TENM4: variants seen among roughly 807,000 people sequenced by gnomAD.
The protein encoded by TENM4 is teneurin-4.
A neutral mutation model predicts 243.3 loss-of-function variants in TENM4; 82 were observed. The observed-to-expected ratio is 0.34, with a 90% CI of 0.28 to 0.40. The LOEUF is 0.40. Ranked by LOEUF, TENM4 falls within the 10% of genes least tolerant of loss-of-function variation. The probability of loss-of-function intolerance (pLI) is 1.00; values close to 1 mark genes in which losing one functional copy is unlikely to be tolerated. For missense variants in TENM4, 3,138 were observed against 3,673.3 expected, an observed-to-expected ratio of 0.85 and a Z score of 3.77; for synonymous variants, 1,412 against 1,456.3, an observed-to-expected ratio of 0.97 and a Z score of 0.69.
chr11:79,032,836 G>A (rs1306356934), intron 6 of TENM4, among the ~76,000 whole-genome samples: 2 of 152,180 alleles, frequency 1.3e-5, no homozygotes, highest in Non-Finnish European at 2.9e-5. Context: ...ACCACAAATA[G>A]GGACTGATAT....
chr11:78,745,868 T>C (rs1370155819), intron 19 of TENM4, among the ~76,000 whole-genome samples: 1 of 152,238 alleles, frequency 6.6e-6, no homozygotes, highest in African/African-American at 2.4e-5. Context: ...CTTCAATCTT[T>C]ATAACTTATT....
intron 12 of TENM4, among the ~76,000 whole-genome samples, chr11:78,826,076 CTTTT>C (rs59565048): frequency 1.2e-3 from 136 of 115,384 alleles, no homozygotes; most frequent in African/African-American, 4.6e-3. Flanking sequence ...AATCCCCCTC[CTTTT>C]TTTTTTTTTT....
At chr11:78,781,042 A>G (rs1300442023) in intron 16 of TENM4, among the ~76,000 whole-genome samples, 1 of 152,188 alleles carries the variant, frequency 6.6e-6, no homozygotes, top group Non-Finnish European at 1.5e-5. Context: ...AATGGAATGG[A>G]GCTTCCTTGT....
chr11:79,334,009 C>G (rs1807405850), intron 1 of TENM4, among the ~76,000 whole-genome samples: 1 of 152,198 alleles, frequency 6.6e-6, no homozygotes, highest in South Asian at 2.1e-4. Flanking sequence ...ACAACACATT[C>G]TGCCTTTTCT....
chr11:79,286,341 T>A (rs1856250117), intron 2 of TENM4, among the ~76,000 whole-genome samples: 1 of 152,060 alleles, frequency 6.6e-6, no homozygotes. Flanking sequence ...ACGTTTGACC[T>A]CAATTTTTGT....
chr11:78,657,614 C>T lies in TENM4; in HGVS notation c.*444G>A. On this transcript the variant is annotated 3_prime_UTR_variant, in exon 34 of 34. Transcript: ENST00000278550. ...TGGAAGGGGTGTTGTACTGGCCCATCACTCCCTTTACTCCTGCCCGACCCC... is the reference window on the plus strand; with the variant it reads ...TGGAAGGGGTGTTGTACTGGCCCATTACTCCCTTTACTCCTGCCCGACCCC... 1 of 342,594 alleles carries T rather than the reference C, an allele frequency of 2.9e-6. No homozygotes were observed. Among genetic ancestry groups the T allele is most frequent in the South Asian group, 3.0e-5 (1 of 33,854 alleles). The allele number at this position is 342,594 out of a possible 1,614,324, so 21.2% of individuals were successfully genotyped here.
Position 78,823,336 on chromosome 11 carries a change from G to A in TENM4, c.1682-8941C>T, listed in dbSNP as rs752927002. Among the ~76,000 whole-genome samples, 3 of 152,212 alleles carry A rather than the reference G, an allele frequency of 2.0e-5. No homozygotes were observed. The South Asian group carries it at 6.2e-4, about 31-fold the overall frequency. ...CCACTGCCCACAGCTGATTGGACCCGGCTGAGCACCTGACCCAAGCCAAGC... is the reference window on the plus strand; with the variant it reads ...CCACTGCCCACAGCTGATTGGACCCAGCTGAGCACCTGACCCAAGCCAAGC... On this transcript the variant is annotated intron_variant, in intron 12 of 33. Coordinates refer to ENST00000278550, the MANE Select transcript of TENM4 (RefSeq NM_001098816.3).
intron 9 of TENM4, among the ~76,000 whole-genome samples, chr11:78,877,817 G>A (rs1360612716): frequency 1.3e-5 from 2 of 152,232 alleles, no homozygotes; most frequent in Admixed American, 6.5e-5. Context: ...CCAGGGGGAA[G>A]GGGCAGGCAG....
chr11:78,978,182 A>C (rs1259454260), intron 6 of TENM4, among the ~76,000 whole-genome samples: 2 of 151,416 alleles, frequency 1.3e-5, no homozygotes, highest in Non-Finnish European at 2.9e-5. Flanking sequence ...GGAGGGGAAA[A>C]ACATACACTG....
At chr11:79,024,205 G>C (rs1417616211) in intron 6 of TENM4, among the ~76,000 whole-genome samples, 1 of 152,172 alleles carries the variant, frequency 6.6e-6, no homozygotes, top group Non-Finnish European at 1.5e-5. Context: ...CACTGACTTA[G>C]AATGTCCACC....
At chr11:79,101,724 C>T (rs577345108) in intron 4 of TENM4, among the ~76,000 whole-genome samples, 20 of 152,196 alleles carry the variant, frequency 1.3e-4, no homozygotes, top group Non-Finnish European at 1.3e-4. Context: ...AACTGTGGGA[C>T]GACTATTACC....
At chr11:78,717,766 C>T (rs189800256) in intron 25 of TENM4, among the ~76,000 whole-genome samples, 34 of 152,274 alleles carry the variant, frequency 2.2e-4, no homozygotes, top group African/African-American at 7.5e-4. Flanking sequence ...ACCTATTTCC[C>T]GGGACAATTA....
intron 6 of TENM4, among the ~76,000 whole-genome samples, chr11:78,918,138 C>T (rs747749512): frequency 2.0e-5 from 3 of 152,192 alleles, no homozygotes; most frequent in Non-Finnish European, 4.4e-5. Context: ...CCACCCCTCA[C>T]TGACCTGTAC....
Position 78,722,781 on chromosome 11 carries a change from G to A in TENM4, c.3687C>T (p.Leu1229=). 6.2e-7 allele frequency: 1 copy of A among 1,614,076 alleles called. No homozygotes were observed. The highest frequency in any genetic ancestry group is 8.5e-7 in the Non-Finnish European group (1 of 1,179,894). ...CACAGGTGAGGGCCACTGGGGCCAG[G>A]AGCTTGTTGCCGTCAGCAAGGCCGT... ...SCNGLADGNK[L]LAPVALTCGS... is the part of the protein sequence containing the mutation. Residue 1229 remains leucine (L), a synonymous_variant, in exon 24 of 34, where the codon CTC becomes CTT. Transcript: ENST00000278550.
intron 2 of TENM4, among the ~76,000 whole-genome samples, chr11:79,259,668 TC>T (rs1855762629): frequency 1.3e-5 from 2 of 149,556 alleles, no homozygotes; most frequent in Non-Finnish European, 3.0e-5. Flanking sequence ...TATCCATCCA[TC>T]CATCCATCCA....
chr11:79,411,125 G>T (rs925218784), intron 1 of TENM4, among the ~76,000 whole-genome samples: 3 of 152,168 alleles, frequency 2.0e-5, no homozygotes, highest in African/African-American at 7.2e-5. Flanking sequence ...GAGGCTCAGA[G>T]AGGGTAAGTT....
chr11:79,010,215 A>G (rs1457618463), intron 6 of TENM4, among the ~76,000 whole-genome samples: 1 of 152,136 alleles, frequency 6.6e-6, no homozygotes, highest in Non-Finnish European at 1.5e-5. Context: ...CTACCTGGCT[A>G]CCTTTACATG....
intron 3 of TENM4, among the ~76,000 whole-genome samples, chr11:79,180,759 C>A (rs1863265157): frequency 6.6e-6 from 1 of 151,142 alleles, no homozygotes. Context: ...CAGGAGGATC[C>A]CTTGAGCCTA....
chr11:79,064,541 C>A (rs1311080759), intron 6 of TENM4, 197 bp downstream of exon 6: 2 of 703,742 alleles, frequency 2.8e-6, no homozygotes, highest in Non-Finnish European at 4.6e-6. Flanking sequence ...AGAGCAGCGA[C>A]CCAATCTCTG....
Sources: gnomAD v4.1 joint callset for allele counts (sites outside exome capture counted in the v4.1 genomes callset) on GRCh38, gnomAD v4.1.1 for gene constraint, MANE v1.5 for transcripts, NCBI Gene and HGNC (gene_info 2026-07-23, HGNC 2026-07-21) for gene names.